SF3B5: variants seen among roughly 807,000 people sequenced by gnomAD.
The protein encoded by SF3B5 is splicing factor 3b subunit 5, also known as pre-mRNA-splicing factor SF3b 10 kDa subunit.
A neutral mutation model predicts 7.0 loss-of-function variants in SF3B5; 3 were observed. The observed-to-expected ratio is 0.43, with a 90% CI of 0.19 to 1.10. The LOEUF is 1.10. Ranked by LOEUF, SF3B5 falls within the 50% of genes least tolerant of loss-of-function variation. The probability of loss-of-function intolerance (pLI) is 0.29; values close to 1 mark genes in which losing one functional copy is unlikely to be tolerated. For synonymous variants in SF3B5, 51 were observed against 44.8 expected (o/e 1.14, Z -0.55); for missense variants, 73 against 113.6 (o/e 0.64, Z 1.63).
rs1438953943 is a variant in SF3B5, at chr6:144,095,424, T to G, written c.74A>C (p.Asp25Ala). 6.2e-7 allele frequency: 1 copy of G among 1,614,232 alleles called. No homozygotes were observed. The highest frequency in any genetic ancestry group is 1.1e-5 in the South Asian group (1 of 91,090). ...CACCAGCCACTCCCACTTGGTGGTG[T>G]CGGCGTGGCCCGTGCCGATGTACTT... is the stretch of plus-strand genomic sequence containing the variant. ...QSKYIGTGHA[D>A]TTKWEWLVNQ... Residue 25 changes from aspartate to alanine, a missense_variant, in exon 1 of 1, where the codon GAC (aspartate) becomes GCC (alanine). Transcript: ENST00000367569. This position sits in a 1 kb window ranked among gnomAD's most constrained non-coding sequence, Gnocchi z 4.3.
Position 144,095,151 on chromosome 6 carries a change from C to A in SF3B5, c.*86G>T. On this transcript the variant is annotated 3_prime_UTR_variant, in exon 1 of 1. Coordinates refer to ENST00000367569, the MANE Select transcript of SF3B5 (RefSeq NM_031287.3). This position sits in a 1 kb window ranked among gnomAD's most constrained non-coding sequence, Gnocchi z 4.3. ...GCGCAGGAGCCATGGAGAGCCGGTCCTTTGGAGACAGGAATACTTAAGAGG... is the reference window on the plus strand; with the variant it reads ...GCGCAGGAGCCATGGAGAGCCGGTCATTTGGAGACAGGAATACTTAAGAGG... The A allele has an allele frequency of 6.3e-7, 1 of 1,579,692 alleles. No individual in the cohort carries two copies. The highest frequency in any genetic ancestry group is 1.2e-5 in the South Asian group (1 of 85,838).
Position 144,095,458 on chromosome 6 carries a change from G to C in SF3B5, c.40C>G (p.Leu14Val). ...CCCGTGCCGATGTACTTGGACTGCA[G>C]GTGCTCCAGCTGGCTATGGATGGTG... ...RYTIHSQLEHLQSKYIGTGHA... is the reference protein window; with the variant it reads ...RYTIHSQLEHVQSKYIGTGHA... The change falls in exon 1 of 1, where the codon CTG (leucine) becomes GTG (valine). Residue 14 changes from leucine to valine, a missense_variant. Transcript: ENST00000367569. The surrounding 1 kb of genome is among the most constrained non-coding windows in gnomAD (Gnocchi z 4.3). 1 of 1,614,254 alleles carries C rather than the reference G, an allele frequency of 6.2e-7. No homozygotes were observed. Among genetic ancestry groups the C allele is most frequent in the Non-Finnish European group, 8.5e-7 (1 of 1,180,042 alleles).
At position 144,095,190 on chromosome 6, in the gene SF3B5, A is replaced by G. The variant is rs902641195; in HGVS notation, c.*47T>C. ...ATACTTAAGAGGATTGGCAAACCGG[A>G]GAAACGCTGGGAGAGGTGCCCCGCA... is the stretch of plus-strand genomic sequence containing the variant. On this transcript the variant is annotated 3_prime_UTR_variant, in exon 1 of 1. Transcript: ENST00000367569. The surrounding 1 kb of genome is among the most constrained non-coding windows in gnomAD (Gnocchi z 4.3). 2 of 1,609,182 alleles carry G rather than the reference A, an allele frequency of 1.2e-6. No individual in the cohort carries two copies. The highest frequency in any genetic ancestry group is 2.7e-5 in the African/African-American group (2 of 74,802).
chr6:144,095,147 G>T lies in SF3B5; in HGVS notation c.*90C>A, dbSNP rs768877536. On this transcript the variant is annotated 3_prime_UTR_variant, in exon 1 of 1. Transcript: ENST00000367569. This position sits in a 1 kb window ranked among gnomAD's most constrained non-coding sequence, Gnocchi z 4.3. The stretch of plus-strand genomic sequence containing the variant: ...CGAGGCGCAGGAGCCATGGAGAGCC[G>T]GTCCTTTGGAGACAGGAATACTTAA... 4.5e-6 allele frequency: 7 copies of T among 1,568,128 alleles called. No homozygotes were observed. The highest frequency in any genetic ancestry group is 5.2e-6 in the Non-Finnish European group (6 of 1,152,622).
chr6:144,095,556 A>C lies in SF3B5; in HGVS notation c.-59T>G, dbSNP rs893163927. On this transcript the variant is annotated 5_prime_UTR_variant, in exon 1 of 1. Transcript: ENST00000367569. The surrounding 1 kb of genome is among the most constrained non-coding windows in gnomAD (Gnocchi z 4.3). ...GACGCAGGTAACAACTCGCCGCTCTAGCGTTTTACAGGAGAGTGAAGCCAC... is the reference window on the plus strand; with the variant it reads ...GACGCAGGTAACAACTCGCCGCTCTCGCGTTTTACAGGAGAGTGAAGCCAC... 1.3e-6 allele frequency: 2 copies of C among 1,597,292 alleles called. No homozygotes were observed. Among genetic ancestry groups the C allele is most frequent in the African/African-American group, 2.7e-5 (2 of 74,588 alleles).
chr6:144,095,033 C>T lies in SF3B5; in HGVS notation c.*204G>A, dbSNP rs1800117791. ...TCCACCAGCACAGTTCTCAGGAGTC[C>T]TGCTGGTCTCCCAGTGCTGTTCTAA... On this transcript the variant is annotated 3_prime_UTR_variant, in exon 1 of 1. Transcript: ENST00000367569. This position sits in a 1 kb window ranked among gnomAD's most constrained non-coding sequence, Gnocchi z 4.3. 4.1e-6 allele frequency: 3 copies of T among 725,390 alleles called. No homozygotes were observed. The African/African-American group carries it at 5.3e-5, about 13-fold the overall frequency. The allele number at this position is 725,390 out of a possible 1,614,324, so 44.9% of individuals were successfully genotyped here. A position where few individuals can be genotyped will look rare whatever the true frequency, so the allele number is the denominator to read the frequency against.
In SF3B5 at chr6:144,095,572, G is replaced by C. The variant is rs962534309; in HGVS notation, c.-75C>G. ...CGCCGCTCTAGCGTTTTACAGGAGA[G>C]TGAAGCCACCGCGCGGAAGCTCCAG... On this transcript the variant is annotated 5_prime_UTR_variant, in exon 1 of 1. Coordinates refer to ENST00000367569, the MANE Select transcript of SF3B5 (RefSeq NM_031287.3). The surrounding 1 kb of genome is among the most constrained non-coding windows in gnomAD (Gnocchi z 4.3). 4.5e-6 allele frequency: 7 copies of C among 1,569,004 alleles called. No homozygotes were observed. Among genetic ancestry groups the C allele is most frequent in the South Asian group, 3.5e-5 (3 of 86,604 alleles).
Position 144,095,551 on chromosome 6 carries a change from G to A in SF3B5, c.-54C>T, listed in dbSNP as rs996619668. The A allele has an allele frequency of 3.7e-6, 6 of 1,600,964 alleles. No individual in the cohort carries two copies. Among genetic ancestry groups the A allele is most frequent in the Middle Eastern group, 1.7e-4 (1 of 6,010 alleles). Reference sequence around the variant, plus strand: ...CAGAGGACGCAGGTAACAACTCGCCGCTCTAGCGTTTTACAGGAGAGTGAA... The same window carrying A: ...CAGAGGACGCAGGTAACAACTCGCCACTCTAGCGTTTTACAGGAGAGTGAA... On this transcript the variant is annotated 5_prime_UTR_variant, in exon 1 of 1. Coordinates refer to ENST00000367569, the MANE Select transcript of SF3B5 (RefSeq NM_031287.3). This position sits in a 1 kb window ranked among gnomAD's most constrained non-coding sequence, Gnocchi z 4.3.
Position 144,095,326 on chromosome 6 carries a change from T to C in SF3B5, c.172A>G (p.Asn58Asp). Residue 58 changes from asparagine (N) to aspartate (D), a missense_variant, in exon 1 of 1, where the codon AAT becomes GAT. Around this residue, in one of 2 missense-constraint regions of SF3B5, gnomAD observed 67 missense variants for 82.7 expected, o/e 0.81. Transcript: ENST00000367569. The surrounding 1 kb of genome is among the most constrained non-coding windows in gnomAD (Gnocchi z 4.3). ...DLLNYFAIAENESKARVRFNL... is the reference protein window; with the variant it reads ...DLLNYFAIAEDESKARVRFNL... ...AAGCGGACTCGCGCTTTGCTCTCAT[T>C]CTCCGCAATGGCGAAGTAGTTGAGA... The C allele has an allele frequency of 6.2e-7, 1 of 1,614,216 alleles. No homozygotes were observed.
chr6:144,095,364 C>CCTTCT lies in SF3B5; in HGVS notation c.133_134insAGAAG (p.Gly45GlufsTer26). ...GAAGTAGTTGAGAAGGTCGAAGTGGCCCATGTAGGAGCAGTACGAGTCGCG... is the reference window on the plus strand; with the variant it reads ...GAAGTAGTTGAGAAGGTCGAAGTGGCCTTCTCCATGTAGGAGCAGTACGAGTCGCG... On this transcript the variant is annotated frameshift_variant, in exon 1 of 1. Transcript: ENST00000367569. LOFTEE classifies it high-confidence loss of function. The surrounding 1 kb of genome is among the most constrained non-coding windows in gnomAD (Gnocchi z 4.3). 1 of 1,614,262 alleles carries CCTTCT rather than the reference C, an allele frequency of 6.2e-7. No individual in the cohort carries two copies. Among genetic ancestry groups the CCTTCT allele is most frequent in the East Asian group, 2.2e-5 (1 of 44,886 alleles).
chr6:144,095,489 G>C lies in SF3B5; in HGVS notation c.9C>G (p.Asp3Glu), dbSNP rs1234371080. The C allele has an allele frequency of 6.2e-7, 1 of 1,613,648 alleles. No individual in the cohort carries two copies. Among genetic ancestry groups the C allele is most frequent in the Non-Finnish European group, 8.5e-7 (1 of 1,179,624 alleles). ...CCAGCTGGCTATGGATGGTGTAGCG[G>C]TCAGTCATCTCGCCGCTTTCCCCTT... MT[D>E]RYTIHSQLEH... Residue 3 changes from aspartate to glutamate, a missense_variant, in exon 1 of 1, where the codon GAC (aspartate) becomes GAG (glutamate). By Grantham distance (45) the Asp-to-Glu change is conservative (BLOSUM62 2). Transcript: ENST00000367569. This position sits in a 1 kb window ranked among gnomAD's most constrained non-coding sequence, Gnocchi z 4.3.
rs147119083 is a variant in SF3B5, at chr6:144,094,904, TG to T, written c.*332del. 2,765 of 351,558 alleles carry T rather than the reference TG, an allele frequency of 7.9e-3. 61 individuals carry two copies. Among genetic ancestry groups the T allele is most frequent in the African/African-American group, 0.053 (2,563 of 48,720 alleles). 21.8% of individuals were successfully genotyped at this position (351,558 alleles called of 1,614,324 possible). A position where few individuals can be genotyped will look rare whatever the true frequency, so the allele number is the denominator to read the frequency against. On this transcript the variant is annotated 3_prime_UTR_variant, in exon 1 of 1. Transcript: ENST00000367569. Reference sequence around the variant, plus strand: ...GAGACTGAACGATTTCTAAACTTTATGGAAAAAGCCAATGACAATCAATTAG... The same window carrying T: ...GAGACTGAACGATTTCTAAACTTTATGAAAAAGCCAATGACAATCAATTAG...
rs766506175 is a variant in SF3B5 at position 144,095,292 on chromosome 6, A to C, written c.206T>G (p.Met69Arg). 7 of 1,614,228 alleles carry C rather than the reference A, an allele frequency of 4.3e-6. No individual in the cohort carries two copies. The East Asian group carries it at 1.6e-4, about 36-fold the overall frequency. Reference protein sequence around the residue: ...ESKARVRFNLMEKMLQPCGPP... With the variant: ...ESKARVRFNLREKMLQPCGPP... ...TCCACAAGGCTGAAGCATCTTTTCC[A>C]TCAAGTTGAAGCGGACTCGCGCTTT... The change falls in exon 1 of 1, where the codon ATG becomes AGG. Residue 69 changes from methionine to arginine, a missense_variant. By Grantham distance (91) the Met-to-Arg change is moderately conservative. Transcript: ENST00000367569. The surrounding 1 kb of genome is among the most constrained non-coding windows in gnomAD (Gnocchi z 4.3).
At position 144,095,280 on chromosome 6, in the gene SF3B5, A is replaced by T; in HGVS notation, c.218T>A (p.Leu73His). Residue 73 changes from leucine (L) to histidine (H), a missense_variant, in exon 1 of 1, where the codon CTT becomes CAT. Around this residue, in one of 2 missense-constraint regions of SF3B5, gnomAD observed 67 missense variants for 82.7 expected, o/e 0.81. Transcript: ENST00000367569. This position sits in a 1 kb window ranked among gnomAD's most constrained non-coding sequence, Gnocchi z 4.3. ...GTCGGCTGGCGGTCCACAAGGCTGA[A>T]GCATCTTTTCCATCAAGTTGAAGCG... ...RVRFNLMEKM[L>H]QPCGPPADKP... The T allele has an allele frequency of 6.2e-7, 1 of 1,614,260 alleles. No individual in the cohort carries two copies. Among genetic ancestry groups the T allele is most frequent in the Non-Finnish European group, 8.5e-7 (1 of 1,180,048 alleles).
chr6:144,095,404 G>T lies in SF3B5; in HGVS notation c.94C>A (p.Leu32Met). 6.2e-7 allele frequency: 1 copy of T among 1,614,260 alleles called. No individual in the cohort carries two copies. The highest frequency in any genetic ancestry group is 8.5e-7 in the Non-Finnish European group (1 of 1,180,054). ...GHADTTKWEW[L>M]VNQHRDSYCS... ...TACGAGTCGCGGTGTTGGTTCACCA[G>T]CCACTCCCACTTGGTGGTGTCGGCG... The change falls in exon 1 of 1, where the codon CTG becomes ATG. Residue 32 changes from leucine (L) to methionine (M), a missense_variant. Transcript: ENST00000367569. The surrounding 1 kb of genome is among the most constrained non-coding windows in gnomAD (Gnocchi z 4.3).
In SF3B5 at chr6:144,095,448, T is replaced by C; in HGVS notation, c.50A>G (p.Lys17Arg). Residue 17 changes from lysine to arginine, a missense_variant, in exon 1 of 1, where the codon AAG (lysine) becomes AGG (arginine). Lys to Arg is a conservative substitution (Grantham distance 26). This residue lies in a region of SF3B5 where 6 missense variants were observed against 30.9 expected (regional missense o/e 0.19). Coordinates refer to ENST00000367569, the MANE Select transcript of SF3B5 (RefSeq NM_031287.3). This position sits in a 1 kb window ranked among gnomAD's most constrained non-coding sequence, Gnocchi z 4.3. ...GTCGGCGTGGCCCGTGCCGATGTAC[T>C]TGGACTGCAGGTGCTCCAGCTGGCT... ...IHSQLEHLQS[K>R]YIGTGHADTT... The C allele has an allele frequency of 6.2e-7, 1 of 1,614,258 alleles. No homozygotes were observed. The highest frequency in any genetic ancestry group is 1.7e-5 in the Admixed American group (1 of 60,030).
In SF3B5 at chr6:144,095,521, C is replaced by A. The variant is rs769722161; in HGVS notation, c.-24G>T. On this transcript the variant is annotated 5_prime_UTR_variant, in exon 1 of 1. Coordinates refer to ENST00000367569, the MANE Select transcript of SF3B5 (RefSeq NM_031287.3). This position sits in a 1 kb window ranked among gnomAD's most constrained non-coding sequence, Gnocchi z 4.3. ...ATCTCGCCGCTTTCCCCTTCGCTCTCAGGTCAGAGGACGCAGGTAACAACT... is the reference window on the plus strand; with the variant it reads ...ATCTCGCCGCTTTCCCCTTCGCTCTAAGGTCAGAGGACGCAGGTAACAACT... 7 of 1,612,712 alleles carry A rather than the reference C, an allele frequency of 4.3e-6. No individual in the cohort carries two copies. Among genetic ancestry groups the A allele is most frequent in the Non-Finnish European group, 5.9e-6 (7 of 1,178,870 alleles).
Position 144,095,127 on chromosome 6 carries a change from C to T in SF3B5, c.*110G>A. ...ACTTCTGTACGCGGAAAGCACGAGGCGCAGGAGCCATGGAGAGCCGGTCCT... is the reference window on the plus strand; with the variant it reads ...ACTTCTGTACGCGGAAAGCACGAGGTGCAGGAGCCATGGAGAGCCGGTCCT... On this transcript the variant is annotated 3_prime_UTR_variant, in exon 1 of 1. Coordinates refer to ENST00000367569, the MANE Select transcript of SF3B5 (RefSeq NM_031287.3). The surrounding 1 kb of genome is among the most constrained non-coding windows in gnomAD (Gnocchi z 4.3). The T allele has an allele frequency of 6.6e-7, 1 of 1,522,430 alleles. No homozygotes were observed. The highest frequency in any genetic ancestry group is 8.9e-7 in the Non-Finnish European group (1 of 1,120,152). 94.3% of individuals were successfully genotyped at this position (1,522,430 alleles called of 1,614,324 possible).
rs2128739279 is a variant in SF3B5, at chr6:144,095,056, T to C, written c.*181A>G. 2 of 869,446 alleles carry C rather than the reference T, an allele frequency of 2.3e-6. No individual in the cohort carries two copies. Among genetic ancestry groups the C allele is most frequent in the East Asian group, 2.4e-5 (1 of 41,088 alleles). 53.9% of individuals were successfully genotyped at this position (869,446 alleles called of 1,614,324 possible). A position where few individuals can be genotyped will look rare whatever the true frequency, so the allele number is the denominator to read the frequency against. On this transcript the variant is annotated 3_prime_UTR_variant, in exon 1 of 1. Transcript: ENST00000367569. The surrounding 1 kb of genome is among the most constrained non-coding windows in gnomAD (Gnocchi z 4.3). ...TCCTGCTGGTCTCCCAGTGCTGTTC[T>C]AAGGGTCCACATGAAGGCAGGTCAG...
Sources: gnomAD v4.1 joint callset for allele counts on GRCh38, gnomAD v4.1.1 for gene constraint, gnomAD v4.1.1 regional missense constraint, Gnocchi (gnomAD v3.1) non-coding constraint, MANE v1.5 for transcripts, NCBI Gene and HGNC (gene_info 2026-07-23, HGNC 2026-07-21) for gene names.